The following RNF111 variants were observed in gnomAD, a reference collection of about 807,000 sequenced individuals.
The protein encoded by RNF111 is ring finger protein 111.
In RNF111, 17 loss-of-function variants were observed where a neutral mutation model predicts 95.1. That is an observed-to-expected ratio of 0.18 (90% CI 0.12 to 0.27). RNF111 has a LOEUF of 0.27. Ranked by LOEUF, RNF111 falls within the 10% of genes least tolerant of loss-of-function variation. The pLI, the probability that RNF111 is intolerant of heterozygous loss-of-function variation, is 1.00. For synonymous variants in RNF111, 440 were observed against 414.8 expected, an observed-to-expected ratio of 1.06 and a Z score of -0.74; for missense variants, 1,189 against 1,210.4, an observed-to-expected ratio of 0.98 and a Z score of 0.26.
rs541783037 is a variant in RNF111 at position 59,041,230 on chromosome 15, T to C, written c.880+9528T>C. ...CCTATTGATGAACAGTTTGCAGACT[T>C]TTTTTTATTATTTTAAATAGCACTG... On this transcript the variant is annotated intron_variant, in intron 2 of 13. Coordinates refer to ENST00000348370, the MANE Select transcript of RNF111 (RefSeq NM_017610.8). Among the ~76,000 whole-genome samples, 17 of 152,252 alleles carry C rather than the reference T, an allele frequency of 1.1e-4. No homozygotes were observed. In the South Asian group the frequency reaches 3.3e-3, roughly 30 times the overall value.
At chr15:59,083,309 A>G (rs1326189334) in intron 8 of RNF111, among the ~76,000 whole-genome samples, 1 of 152,138 alleles carries the variant, frequency 6.6e-6, no homozygotes, top group Non-Finnish European at 1.5e-5. Flanking sequence ...GCACTTTGGG[A>G]GGCCAAGGTG....
chr15:59,004,098 G>T, intron 1 of RNF111: 4 of 1,079,474 alleles, frequency 3.7e-6, no homozygotes, highest in Non-Finnish European at 4.7e-6. Flanking sequence ...CCAGACTCTT[G>T]GATTTATTTA....
intron 2 of RNF111, among the ~76,000 whole-genome samples, chr15:59,051,041 C>A (rs1333894710): frequency 6.6e-6 from 1 of 152,050 alleles, no homozygotes; most frequent in South Asian, 2.1e-4. Flanking sequence ...GTTCTAGATA[C>A]AGTAATATAA....
chr15:58,992,779 C>G (rs2038876129), intron 1 of RNF111, among the ~76,000 whole-genome samples: 1 of 152,120 alleles, frequency 6.6e-6, no homozygotes, highest in Admixed American at 6.5e-5. Flanking sequence ...GAGATTGTGC[C>G]ACTGCATTCC....
chr15:58,996,685 G>A (rs2039091753), intron 1 of RNF111, among the ~76,000 whole-genome samples: 1 of 102,040 alleles, frequency 9.8e-6, no homozygotes, highest in East Asian at 2.6e-4. Flanking sequence ...TTTTACCCAG[G>A]CAGTTACTGT....
At chr15:58,988,096 C>T (rs2038646238) in intron 1 of RNF111, 28 bp downstream of exon 1, 1 of 143,486 alleles carries the variant, frequency 7.0e-6, no homozygotes, top group Admixed American at 7.2e-5. Flanking sequence ...GGAGGGGATC[C>T]ATTGGAGGCC....
intron 4 of RNF111, 21 bp from the exon 5 acceptor site, chr15:59,058,335 T>C (rs1172283458): frequency 6.2e-7 from 1 of 1,602,916 alleles, no homozygotes; most frequent in Non-Finnish European, 8.5e-7. Context: ...AAATGCTAAG[T>C]TGACATTTTG....
rs184463356 is a variant in RNF111, at chr15:59,052,078, A to G, written c.881-227A>G. Among the ~76,000 whole-genome samples, 285 of 152,302 alleles carry G rather than the reference A, an allele frequency of 1.9e-3. 1 individual carries two copies. The highest frequency in any genetic ancestry group is 6.6e-3 in the African/African-American group (275 of 41,566). On this transcript the variant is annotated intron_variant, in intron 2 of 13. Coordinates refer to ENST00000348370, the MANE Select transcript of RNF111 (RefSeq NM_017610.8). Reference sequence around the variant, plus strand: ...CATCTGTAATGAATACAACAAATCCATAGAAGAGGAAGTAAACATGCAAAG... The same window carrying G: ...CATCTGTAATGAATACAACAAATCCGTAGAAGAGGAAGTAAACATGCAAAG...
chr15:59,015,506 G>A (rs1360564207), intron 1 of RNF111, among the ~76,000 whole-genome samples: 1 of 151,854 alleles, frequency 6.6e-6, no homozygotes, highest in Non-Finnish European at 1.5e-5. Context: ...TAGTCTTTCT[G>A]ACTTTCCCTC....
chr15:59,035,174 C>T (rs1674319961), intron 2 of RNF111, among the ~76,000 whole-genome samples: 1 of 152,098 alleles, frequency 6.6e-6, no homozygotes, highest in Non-Finnish European at 1.5e-5. Context: ...GGAAACTGCC[C>T]CCATGAATTA....
intron 1 of RNF111, among the ~76,000 whole-genome samples, chr15:59,025,291 A>T (rs1293714875): frequency 6.6e-6 from 1 of 152,182 alleles, no homozygotes; most frequent in Non-Finnish European, 1.5e-5. Context: ...TCTTCTTTTC[A>T]TAATTGAGTA....
chr15:59,050,092 T>A (rs1344166247), intron 2 of RNF111, among the ~76,000 whole-genome samples: 5 of 150,462 alleles, frequency 3.3e-5, no homozygotes, highest in Non-Finnish European at 3.0e-5. Context: ...TGAGATGAAG[T>A]CTCATTCTGT....
chr15:59,033,331 C>T (rs749012975), intron 2 of RNF111, among the ~76,000 whole-genome samples: 7 of 152,104 alleles, frequency 4.6e-5, no homozygotes, highest in Non-Finnish European at 8.8e-5. Flanking sequence ...TTTGCCAGAA[C>T]CCTAAACCAG....
chr15:59,062,629 C>T (rs546856366), intron 5 of RNF111, among the ~76,000 whole-genome samples: 40 of 152,250 alleles, frequency 2.6e-4, no homozygotes, highest in Non-Finnish European at 4.9e-4. Context: ...TTTATTGAGC[C>T]TATAGTGTTG....
chr15:59,018,605 C>T (rs2040183568), intron 1 of RNF111, among the ~76,000 whole-genome samples: 1 of 152,100 alleles, frequency 6.6e-6, no homozygotes, highest in African/African-American at 2.4e-5. Context: ...GACCCCCACC[C>T]AGTGCTATAA....
chr15:59,031,276 A>G lies in RNF111; in HGVS notation c.454A>G (p.Thr152Ala). 6.2e-7 allele frequency: 1 copy of G among 1,614,176 alleles called. No individual in the cohort carries two copies. The highest frequency in any genetic ancestry group is 8.5e-7 in the Non-Finnish European group (1 of 1,180,016). The stretch of plus-strand genomic sequence containing the variant: ...TAGTCTGCATTTTGGAGATTCTGAT[A>G]CTGTGACTTCAGATGAGGATAAAGA... Reference protein sequence around the residue: ...SSSLHFGDSDTVTSDEDKEVS... With the variant: ...SSSLHFGDSDAVTSDEDKEVS... The change falls in exon 2 of 14, where the codon ACT becomes GCT. Residue 152 changes from threonine (T) to alanine (A), a missense_variant. This residue lies in a region of RNF111 where 1,024 missense variants were observed against 925.9 expected (regional missense o/e 1.11). Transcript: ENST00000348370.
intron 6 of RNF111, among the ~76,000 whole-genome samples, chr15:59,075,731 C>G (rs1286160768): frequency 6.6e-6 from 1 of 152,136 alleles, no homozygotes. Flanking sequence ...ATTGGTTTAA[C>G]TGTAAAACCA....
At position 59,094,773 on chromosome 15, in the gene RNF111, C is replaced by T. The variant is rs779214952; in HGVS notation, c.2844-10C>T. The T allele has an allele frequency of 6.6e-7, 1 of 1,509,688 alleles. No individual in the cohort carries two copies. Among genetic ancestry groups the T allele is most frequent in the Non-Finnish European group, 9.2e-7 (1 of 1,085,328 alleles). 93.5% of individuals were successfully genotyped at this position (1,509,688 alleles called of 1,614,324 possible). A position where few individuals can be genotyped will look rare whatever the true frequency, so the allele number is the denominator to read the frequency against. ...TTAATTTTTGCTTTTTGTTTTCTTG[C>T]CAATAATAGACGTCTTCCATGTATG... On this transcript the variant is annotated splice_polypyrimidine_tract_variant and intron_variant, in intron 13 of 13. Transcript: ENST00000348370.
chr15:59,077,935 G>C (rs927826514), intron 7 of RNF111, among the ~76,000 whole-genome samples: 1 of 152,098 alleles, frequency 6.6e-6, no homozygotes, highest in African/African-American at 2.4e-5. Context: ...CAACTTGCCC[G>C]TGCTTTTAAA....
Sources: allele counts gnomAD v4.1 joint callset (sites outside exome capture counted in the v4.1 genomes callset), GRCh38; gene constraint gnomAD v4.1.1; regional missense constraint gnomAD v4.1.1; transcripts MANE v1.5; gene names NCBI Gene and HGNC (gene_info 2026-07-23, HGNC 2026-07-21).